SOX5: variants seen among roughly 807,000 people sequenced by gnomAD.
SOX5 encodes the protein transcription factor SOX-5.
A neutral mutation model predicts 92.0 loss-of-function variants in SOX5; 9 were observed. That is an observed-to-expected ratio of 0.10 (90% CI 0.06 to 0.17). The LOEUF is 0.17. Ranked by LOEUF, SOX5 falls within the 10% of genes least tolerant of loss-of-function variation. The pLI is 1.00. For missense variants in SOX5, 642 were observed against 944.5 expected (o/e 0.68, Z 4.20); for synonymous variants, 344 against 336.3 (o/e 1.02, Z -0.25).
chr12:23,566,074 C>T (rs1469570803), intron 10 of SOX5, among the ~76,000 whole-genome samples: 2 of 151,998 alleles, frequency 1.3e-5, no homozygotes, highest in African/African-American at 2.4e-5. Context: ...TCAATCAAGG[C>T]AAATCTCCTA....
At chr12:24,204,018 C>T (rs1382278099) in intron 4 of SOX5, among the ~76,000 whole-genome samples, 6 of 151,980 alleles carry the variant, frequency 3.9e-5, no homozygotes, top group African/African-American at 1.5e-4. Flanking sequence ...AATGTCACTC[C>T]CTATCACCTC....
intron 2 of SOX5, chr12:24,331,332 C>A (rs1951279118): frequency 6.6e-6 from 1 of 152,158 alleles, no homozygotes; most frequent in Non-Finnish European, 1.5e-5. Context: ...TTTGCAAATG[C>A]TTTTCTATTG....
upstream of SOX5, among the ~76,000 whole-genome samples, chr12:23,952,644 T>C (rs1215122937): frequency 6.6e-6 from 1 of 152,202 alleles, no homozygotes; most frequent in Non-Finnish European, 1.5e-5. Context: ...CAATCATCTA[T>C]GCTGAAGGAG....
At chr12:23,886,907 G>C (rs576334333) in intron 2 of SOX5, among the ~76,000 whole-genome samples, 1 of 152,212 alleles carries the variant, frequency 6.6e-6, no homozygotes, top group South Asian at 2.1e-4. Context: ...GTAAGATTTT[G>C]AAACATAATT....
intron 4 of SOX5, among the ~76,000 whole-genome samples, chr12:24,015,315 T>C (rs1953471904): frequency 6.6e-6 from 1 of 152,100 alleles, no homozygotes; most frequent in African/African-American, 2.4e-5. Flanking sequence ...GGGCTCTAAC[T>C]AGGTTCCTAA....
rs182497316 is a variant in SOX5 at position 24,101,311 on chromosome 12, C to A, written c.-2+112032G>T. 7.4e-3 allele frequency among the ~76,000 whole-genome samples: 1,119 copies of A among 152,240 alleles called. 2 individuals carry two copies. The highest frequency in any genetic ancestry group is 0.011 in the Non-Finnish European group (779 of 67,996). On this transcript the variant is annotated intron_variant, in intron 4 of 4. Coordinates refer to the SOX5 transcript ENST00000446891. ...ACTATGATCACGTCCAAGACATCTC[C>A]CTTGTTTTTCCTTCCCCAGGAAAAT... is the stretch of plus-strand genomic sequence containing the variant.
chr12:23,970,214 A>G (rs955597134), intron 4 of SOX5, among the ~76,000 whole-genome samples: 2 of 145,998 alleles, frequency 1.4e-5, no homozygotes, highest in African/African-American at 5.2e-5. Context: ...GCACCTCAAA[A>G]ACTTTCAGCT....
chr12:24,120,693 T>C (rs2138315251), intron 4 of SOX5, among the ~76,000 whole-genome samples: 1 of 152,336 alleles, frequency 6.6e-6, no homozygotes, highest in East Asian at 1.9e-4. Context: ...ACATATAATA[T>C]GTTTGAGAGC....
At chr12:23,954,453 CA>C (rs200770197), upstream of SOX5, among the ~76,000 whole-genome samples, 1 of 149,344 alleles carries the variant, frequency 6.7e-6, no homozygotes, top group Admixed American at 6.7e-5. Context: ...CTTCCTCTTT[CA>C]AAAAAAAAGA....
In SOX5 at chr12:23,902,387, T is replaced by A. The variant is rs189365583; in HGVS notation, c.39-6363A>T. Among the ~76,000 whole-genome samples, 7 of 152,276 alleles carry A rather than the reference T, an allele frequency of 4.6e-5. No homozygotes were observed. The East Asian group carries it at 9.7e-4, about 21-fold the overall frequency. On this transcript the variant is annotated intron_variant, in intron 1 of 14. Transcript: ENST00000451604. ...ATGCAGTGCCTTCTACTGGTTGTTCTTTCGGCATGATAATATTATTTATCT... is the reference window on the plus strand; with the variant it reads ...ATGCAGTGCCTTCTACTGGTTGTTCATTCGGCATGATAATATTATTTATCT...
intron 3 of SOX5, among the ~76,000 whole-genome samples, chr12:23,803,829 GAA>G (rs2095708923): frequency 6.6e-6 from 1 of 152,100 alleles, no homozygotes; most frequent in Non-Finnish European, 1.5e-5. Context: ...AGCTGAATTT[GAA>G]AAGACACATG....
rs189991121 is a variant in SOX5 at position 24,313,954 on chromosome 12, A to G, written c.-173-36642T>C. 1.8e-3 allele frequency among the ~76,000 whole-genome samples: 211 copies of G among 119,844 alleles called. 3 individuals are homozygous for G. The highest frequency in any genetic ancestry group is 5.1e-4 in the Non-Finnish European group (26 of 50,890). 78.6% of individuals were successfully genotyped at this position (119,844 alleles called of 152,430 possible). ...CAGTTACTCAGGCCAAAATCCTCAA[A>G]TCATCTTTGATTCTTCTCCTTCTCA... On this transcript the variant is annotated intron_variant, in intron 2 of 4. Coordinates refer to the SOX5 transcript ENST00000446891.
At chr12:23,937,274 G>T (rs751776076) in intron 1 of SOX5, among the ~76,000 whole-genome samples, 1 of 150,820 alleles carries the variant, frequency 6.6e-6, no homozygotes, top group Non-Finnish European at 1.5e-5. Context: ...TTGCCAACTG[G>T]TCTACAAATG....
In SOX5 at chr12:24,237,263, G is replaced by C. The variant is rs185739647; in HGVS notation, c.-76-23846C>G. 1.1e-3 allele frequency among the ~76,000 whole-genome samples: 162 copies of C among 152,288 alleles called. 1 individual carries two copies. The highest frequency in any genetic ancestry group is 1.5e-3 in the South Asian group (7 of 4,826). ...ATACTTCCTGAGACCGAGTTTCCCA[G>C]AGATGCCCTGAGTCCTGCTCTTCTA... On this transcript the variant is annotated intron_variant, in intron 3 of 4. Transcript: ENST00000446891.
At chr12:23,964,466 T>C (rs960637256) in intron 4 of SOX5, among the ~76,000 whole-genome samples, 5 of 152,184 alleles carry the variant, frequency 3.3e-5, no homozygotes, top group Non-Finnish European at 5.9e-5. Context: ...AGTTGTCCTG[T>C]TAGCATAGTG....
At chr12:24,364,324 C>T (rs1955915258) in intron 2 of SOX5, among the ~76,000 whole-genome samples, 1 of 151,840 alleles carries the variant, frequency 6.6e-6, no homozygotes, top group African/African-American at 2.4e-5. Flanking sequence ...GAAACTCACA[C>T]CTACACAGCC....
At chr12:24,412,147 C>T (rs986215089) in intron 1 of SOX5, among the ~76,000 whole-genome samples, 2 of 151,884 alleles carry the variant, frequency 1.3e-5, no homozygotes, top group South Asian at 2.1e-4. Flanking sequence ...ATCGATAAAT[C>T]GTATCGATTA....
chr12:24,004,273 A>G (rs1299219797), intron 4 of SOX5, among the ~76,000 whole-genome samples: 1 of 146,992 alleles, frequency 6.8e-6, no homozygotes, highest in Non-Finnish European at 1.5e-5. Context: ...CAACTGATAA[A>G]CTGAATTATA....
chr12:24,120,802 T>G (rs954824335), intron 4 of SOX5, among the ~76,000 whole-genome samples: 1 of 152,248 alleles, frequency 6.6e-6, no homozygotes, highest in Non-Finnish European at 1.5e-5. Context: ...TTGTTTAGTC[T>G]TGATTGATTT....
Sources: gnomAD v4.1 joint callset for allele counts (sites outside exome capture counted in the v4.1 genomes callset) on GRCh38, gnomAD v4.1.1 for gene constraint, MANE v1.5 for transcripts, NCBI Gene and HGNC (gene_info 2026-07-23, HGNC 2026-07-21) for gene names.